ITIH2: variants seen among roughly 807,000 people sequenced by gnomAD.
The protein encoded by ITIH2 is inter-alpha-trypsin inhibitor heavy chain 2.
In ITIH2, 103 loss-of-function variants were observed where a neutral mutation model predicts 104.4. The observed-to-expected ratio is 0.99, with a 90% CI of 0.84 to 1.16. The LOEUF is 1.16. Ranked by LOEUF, ITIH2 falls within the 50% of genes most tolerant of loss-of-function variation. The pLI is 0.00. For missense variants in ITIH2, 1,108 were observed against 1,162.4 expected, an observed-to-expected ratio of 0.95 and a Z score of 0.68; for synonymous variants, 436 against 435.4, an observed-to-expected ratio of 1.00 and a Z score of -0.02.
Position 7,735,081 on chromosome 10 carries a change from C to A in ITIH2, c.1947C>A (p.Ser649=). 1 of 1,608,118 alleles carries A rather than the reference C, an allele frequency of 6.2e-7. No individual in the cohort carries two copies. Among genetic ancestry groups the A allele is most frequent in the Non-Finnish European group, 8.5e-7 (1 of 1,179,356 alleles). The change falls in exon 15 of 21, where the codon TCC becomes TCA. Residue 649 remains serine (S), a synonymous_variant. Transcript: ENST00000358415. ...CGGATGCCCCACCGCAGGATCCCTC[C>A]TGCTGCTCAGGTCAGGGCTGCACCT... ...MLADAPPQDP[S]CCSGALYYGS... is the part of the protein sequence containing the mutation.
At chr10:7,724,836 C>T (rs187458084) in intron 9 of ITIH2, among the ~76,000 whole-genome samples, 21 of 152,148 alleles carry the variant, frequency 1.4e-4, no homozygotes, top group Non-Finnish European at 2.6e-4. Context: ...TCAAATATAA[C>T]GTCAGACATT....
At chr10:7,741,847 TA>T (rs1029501485) in intron 16 of ITIH2, among the ~76,000 whole-genome samples, 1 of 152,194 alleles carries the variant, frequency 6.6e-6, no homozygotes, top group African/African-American at 2.4e-5. Flanking sequence ...AAAGAAATCA[TA>T]AACTCTTCTA....
At chr10:7,729,794 G>C (rs1023968943) in intron 11 of ITIH2, 158 bp from the exon 12 acceptor site, 2 of 531,508 alleles carry the variant, frequency 3.8e-6, no homozygotes, top group Non-Finnish European at 6.6e-6. Context: ...ACATGTACGA[G>C]TGCATCTCTA....
chr10:7,714,389 G>C (rs764427958), intron 5 of ITIH2, among the ~76,000 whole-genome samples: 12 of 151,868 alleles, frequency 7.9e-5, no homozygotes, highest in Non-Finnish European at 1.3e-4. Flanking sequence ...GGCCAGGATG[G>C]TCTCGATCTC....
chr10:7,738,773 CTGCT>C lies in ITIH2; in HGVS notation c.2095+19_2095+22del. The C allele has an allele frequency of 6.3e-7, 1 of 1,577,944 alleles. No homozygotes were observed. The highest frequency in any genetic ancestry group is 8.6e-7 in the Non-Finnish European group (1 of 1,162,104). On this transcript the variant is annotated intron_variant, in intron 16 of 20. Transcript: ENST00000358415. ...TGTGATGAGAGGTAACGCTTCTACA[CTGCT>C]TGCACGTCCCAGAACTCAGCCGACC...
intron 7 of ITIH2, among the ~76,000 whole-genome samples, chr10:7,721,206 G>C (rs1173386412): frequency 6.6e-6 from 1 of 152,160 alleles, no homozygotes; most frequent in Non-Finnish European, 1.5e-5. Context: ...TCAGTCACCT[G>C]CTTAACCAGT....
chr10:7,704,837 C>T (rs560790002), intron 1 of ITIH2, among the ~76,000 whole-genome samples: 10 of 151,786 alleles, frequency 6.6e-5, no homozygotes, highest in East Asian at 1.9e-4. Context: ...AACCCAACAC[C>T]GCATGTTCTC....
chr10:7,706,795 G>T (rs1834751458), intron 2 of ITIH2, among the ~76,000 whole-genome samples: 1 of 152,086 alleles, frequency 6.6e-6, no homozygotes, highest in Non-Finnish European at 1.5e-5. Context: ...AACCTAGCAG[G>T]GGCACTGCAA....
chr10:7,716,478 A>G (rs1485732073), intron 5 of ITIH2, among the ~76,000 whole-genome samples: 5 of 152,044 alleles, frequency 3.3e-5, no homozygotes, highest in Non-Finnish European at 7.4e-5. Context: ...GGCTCAGACT[A>G]TAATCCCAGC....
chr10:7,705,708 A>T (rs951203101), intron 2 of ITIH2, among the ~76,000 whole-genome samples: 5 of 151,668 alleles, frequency 3.3e-5, no homozygotes. Context: ...TTTAAAAAAA[A>T]AAAAAAAAAA....
At position 7,729,935 on chromosome 10, in the gene ITIH2, G is replaced by C. The variant is rs1350597890; in HGVS notation, c.1280-17G>C. 2 of 1,562,606 alleles carry C rather than the reference G, an allele frequency of 1.3e-6. No individual in the cohort carries two copies. The highest frequency in any genetic ancestry group is 1.7e-6 in the Non-Finnish European group (2 of 1,153,546). ...TTGCTTCTTCATTCCTTTCCTTTCGGACATCACCAACTTTAGGCGAACTAA... is the reference window on the plus strand; with the variant it reads ...TTGCTTCTTCATTCCTTTCCTTTCGCACATCACCAACTTTAGGCGAACTAA... On this transcript the variant is annotated splice_polypyrimidine_tract_variant and intron_variant, in intron 11 of 20. Coordinates refer to ENST00000358415, the MANE Select transcript of ITIH2 (RefSeq NM_002216.3).
Position 7,743,167 on chromosome 10 carries a change from T to A in ITIH2, c.2117T>A (p.Ile706Asn). Residue 706 changes from isoleucine (I) to asparagine (N), a missense_variant, in exon 17 of 21, where the codon ATC (isoleucine) becomes AAC (asparagine). Coordinates refer to ENST00000358415, the MANE Select transcript of ITIH2 (RefSeq NM_002216.3). ...CCAGTTGAAAATGACCCACATTTCATCATTTATCTACCAAAAAGCCAAAAG... is the reference window on the plus strand; with the variant it reads ...CCAGTTGAAAATGACCCACATTTCAACATTTATCTACCAAAAAGCCAAAAG... ...VMRVENDPHF[I>N]IYLPKSQKNI... 6.4e-7 allele frequency: 1 copy of A among 1,564,776 alleles called. No individual in the cohort carries two copies.
At chr10:7,724,718 A>G (rs1000788423) in intron 9 of ITIH2, among the ~76,000 whole-genome samples, 1 of 152,002 alleles carries the variant, frequency 6.6e-6, no homozygotes, top group Admixed American at 6.6e-5. Context: ...GGATGGGGTC[A>G]TTCCTTGTTG....
intron 16 of ITIH2, 61 bp from the exon 17 acceptor site, chr10:7,743,085 A>T (rs1404530177): frequency 1.3e-6 from 1 of 794,832 alleles, no homozygotes; most frequent in African/African-American, 1.8e-5. Flanking sequence ...GGAATGACAT[A>T]GTGCTCAAAA....
intron 11 of ITIH2, among the ~76,000 whole-genome samples, chr10:7,728,663 T>C (rs1834973338): frequency 6.6e-6 from 1 of 152,180 alleles, no homozygotes; most frequent in Non-Finnish European, 1.5e-5. Context: ...CCCAAAATGT[T>C]GAGATTACAG....
rs765156673 is a variant in ITIH2, at chr10:7,705,096, A to G, written c.85-12A>G. On this transcript the variant is annotated splice_polypyrimidine_tract_variant and intron_variant, in intron 1 of 20. Transcript: ENST00000358415. ...TAAAAAAAAAAAAGTTAAAATCCTA[A>G]TTTTTTTTAAGTTTGTAGACTATGA... is the stretch of plus-strand genomic sequence containing the variant. 2 of 1,562,496 alleles carry G rather than the reference A, an allele frequency of 1.3e-6. No homozygotes were observed. Among genetic ancestry groups the G allele is most frequent in the African/African-American group, 1.4e-5 (1 of 72,210 alleles).
At chr10:7,743,987 A>C (rs1835151458) in intron 17 of ITIH2, 95 bp from the exon 18 acceptor site, 3 of 809,240 alleles carry the variant, frequency 3.7e-6, no homozygotes, top group Non-Finnish European at 5.6e-6. Context: ...ATAATTTTCC[A>C]ATATTGCCAA....
At chr10:7,710,758 T>C (rs1423705731) in intron 4 of ITIH2, among the ~76,000 whole-genome samples, 2 of 152,190 alleles carry the variant, frequency 1.3e-5, no homozygotes. Context: ...ACTTTTTTTG[T>C]CTGCCTTTTC....
intron 15 of ITIH2, among the ~76,000 whole-genome samples, chr10:7,735,667 T>C (rs967970635): frequency 6.8e-6 from 1 of 147,010 alleles, no homozygotes; most frequent in Non-Finnish European, 1.5e-5. Context: ...TTCTTTTCTT[T>C]TCTTTTCTTT....
Sources: gnomAD v4.1 joint callset for allele counts (sites outside exome capture counted in the v4.1 genomes callset) on GRCh38, gnomAD v4.1.1 for gene constraint, MANE v1.5 for transcripts, NCBI Gene and HGNC (gene_info 2026-07-23, HGNC 2026-07-21) for gene names.